The following SNX29 variants were observed in gnomAD, a reference collection of about 807,000 sequenced individuals.
SNX29 encodes sorting nexin 29, also known as sorting nexin-29.
SNX29 carries 78 observed loss-of-function variants against 102.1 expected under a neutral mutation model. That is an observed-to-expected ratio of 0.76 (90% CI 0.64 to 0.92). The LOEUF is 0.92. Ranked by LOEUF, SNX29 falls within the 40% of genes least tolerant of loss-of-function variation. SNX29 has a pLI of 0.00. For synonymous variants in SNX29, 580 were observed against 414.5 expected, an observed-to-expected ratio of 1.40 and a Z score of -4.85; for missense variants, 1,280 against 1,061.7, an observed-to-expected ratio of 1.21 and a Z score of -2.86.
rs559023858 is a variant in SNX29, at chr16:12,194,854, C to A, written c.1596-4747C>A. Among the ~76,000 whole-genome samples, 13 of 151,988 alleles carry A rather than the reference C, an allele frequency of 8.6e-5. No individual in the cohort carries two copies. The East Asian group carries it at 2.3e-3, about 27-fold the overall frequency. ...GTTGGCCAAGCTGGTCTCGAACTCC[C>A]GACCTCAGATGATCCACTCACCTCG... On this transcript the variant is annotated intron_variant, in intron 13 of 20. Coordinates refer to ENST00000566228, the MANE Select transcript of SNX29 (RefSeq NM_032167.5).
At chr16:12,130,373 G>A (rs1260482168) in intron 13 of SNX29, among the ~76,000 whole-genome samples, 1 of 150,348 alleles carries the variant, frequency 6.7e-6, no homozygotes, top group Non-Finnish European at 1.5e-5. Flanking sequence ...TACGCGGGAG[G>A]CTGAGGCAGG....
At chr16:12,423,865 C>T (rs1567548519) in intron 18 of SNX29, among the ~76,000 whole-genome samples, 1 of 152,210 alleles carries the variant, frequency 6.6e-6, no homozygotes, top group Non-Finnish European at 1.5e-5. Context: ...AGCTACCGTG[C>T]CCAGCCTACA....
chr16:12,549,864 C>A (rs939061143), intron 20 of SNX29, among the ~76,000 whole-genome samples: 4 of 152,222 alleles, frequency 2.6e-5, no homozygotes, highest in African/African-American at 9.6e-5. Flanking sequence ...GGTGAAACAG[C>A]CAAAGATGGT....
chr16:12,483,856 G>T (rs2088094850), intron 19 of SNX29, among the ~76,000 whole-genome samples: 1 of 152,206 alleles, frequency 6.6e-6, no homozygotes, highest in Non-Finnish European at 1.5e-5. Flanking sequence ...TAAAGCTGCT[G>T]CCTGGAAGTG....
At chr16:12,014,012 G>A (rs893595442) in intron 3 of SNX29, among the ~76,000 whole-genome samples, 1 of 152,002 alleles carries the variant, frequency 6.6e-6, no homozygotes, top group East Asian at 1.9e-4. Flanking sequence ...GCCCAGGCTG[G>A]CTTTGAACTC....
intron 15 of SNX29, among the ~76,000 whole-genome samples, chr16:12,348,521 C>A (rs1022684765): frequency 6.6e-6 from 1 of 151,956 alleles, no homozygotes; most frequent in African/African-American, 2.4e-5. Flanking sequence ...GCGTTGACAG[C>A]GCCTTTCCCC....
intron 14 of SNX29, among the ~76,000 whole-genome samples, chr16:12,242,235 C>T (rs1438521326): frequency 6.6e-6 from 1 of 151,696 alleles, no homozygotes; most frequent in Admixed American, 6.6e-5. Flanking sequence ...AGCCTTGAAC[C>T]CAACTTGTTT....
chr16:12,379,363 C>T (rs769997013), intron 16 of SNX29, among the ~76,000 whole-genome samples: 13 of 152,192 alleles, frequency 8.5e-5, no homozygotes, highest in Non-Finnish European at 1.8e-4. Flanking sequence ...CTTAAGCGAT[C>T]TACCTGCCTT....
chr16:12,526,478 CT>C, intron 20 of SNX29: 1 of 484,266 alleles, frequency 2.1e-6, no homozygotes. Flanking sequence ...TAAGAGGTGC[CT>C]TTTTGTCCTG....
In SNX29 at chr16:12,015,558, C is replaced by T. The variant is rs369735559; in HGVS notation, c.123-11762C>T. On this transcript the variant is annotated intron_variant, in intron 3 of 20. Transcript: ENST00000566228. ...TGGTCTTTTTTTTTTTTTTCCGAGA[C>T]GGAGTCTTGCTCTGTCGCCCAGGCT... Among the ~76,000 whole-genome samples the T allele has an allele frequency of 7.3e-4, 100 of 136,198 alleles. 1 individual carries two copies. Among genetic ancestry groups the T allele is most frequent in the South Asian group, 3.0e-3 (13 of 4,314 alleles). The allele number at this position is 136,198 out of a possible 152,430, so 89.4% of individuals were successfully genotyped here. A position where few individuals can be genotyped will look rare whatever the true frequency, so the allele number is the denominator to read the frequency against.
chr16:12,328,582 C>A (rs2081193682), intron 15 of SNX29, among the ~76,000 whole-genome samples: 1 of 151,976 alleles, frequency 6.6e-6, no homozygotes, highest in African/African-American at 2.4e-5. Flanking sequence ...GTTCTCTGTC[C>A]CCAGAGGCCT....
chr16:12,170,399 C>G (rs1185324751), intron 13 of SNX29, among the ~76,000 whole-genome samples: 1 of 151,956 alleles, frequency 6.6e-6, no homozygotes, highest in East Asian at 1.9e-4. Flanking sequence ...ACCCATGGAG[C>G]AAAGCCAGCT....
At chr16:12,171,341 A>G (rs796480851) in intron 13 of SNX29, among the ~76,000 whole-genome samples, 10 of 151,250 alleles carry the variant, frequency 6.6e-5, no homozygotes, top group African/African-American at 2.4e-4. Flanking sequence ...GAAGGGAGGG[A>G]GGGAGAAAAC....
At chr16:12,034,438 GA>G (rs543686622) in intron 4 of SNX29, among the ~76,000 whole-genome samples, 289 of 152,326 alleles carry the variant, frequency 1.9e-3, no homozygotes, top group African/African-American at 6.5e-3. Flanking sequence ...CATTCAAGGT[GA>G]AAAAAGTGGT....
chr16:12,284,469 G>A (rs963844480), intron 15 of SNX29, among the ~76,000 whole-genome samples: 9 of 152,178 alleles, frequency 5.9e-5, no homozygotes, highest in Admixed American at 2.6e-4. Flanking sequence ...CCACCATAGC[G>A]TGCTGTCTGG....
At chr16:12,510,917 G>T (rs551317431) in intron 19 of SNX29, among the ~76,000 whole-genome samples, 43 of 152,228 alleles carry the variant, frequency 2.8e-4, no homozygotes, top group African/African-American at 1.0e-3. Flanking sequence ...CGCAGGTGGG[G>T]TCCTTCCTGT....
intron 18 of SNX29, among the ~76,000 whole-genome samples, chr16:12,419,616 C>T (rs369223645): frequency 8.6e-5 from 13 of 151,820 alleles, no homozygotes; most frequent in African/African-American, 2.4e-4. Flanking sequence ...GCTGTGTTCA[C>T]GCCCAGGCTG....
chr16:12,348,940 T>A (rs1452659060), intron 15 of SNX29, among the ~76,000 whole-genome samples: 2 of 152,082 alleles, frequency 1.3e-5, no homozygotes, highest in Non-Finnish European at 2.9e-5. Context: ...TGCCCACCCC[T>A]CCACACTGTC....
At chr16:12,237,270 C>T (rs1165252374) in intron 14 of SNX29, among the ~76,000 whole-genome samples, 1 of 152,220 alleles carries the variant, frequency 6.6e-6, no homozygotes, top group African/African-American at 2.4e-5. Flanking sequence ...CTCTCATGCA[C>T]AGCGAGAATC....
Sources: gnomAD v4.1 joint callset for allele counts (sites outside exome capture counted in the v4.1 genomes callset) on GRCh38, gnomAD v4.1.1 for gene constraint, MANE v1.5 for transcripts, NCBI Gene and HGNC (gene_info 2026-07-23, HGNC 2026-07-21) for gene names.